The following NTM variants were observed in gnomAD, a reference collection of about 807,000 sequenced individuals.
NTM encodes the protein neurotrimin, also known as IgLON family member 2.
In NTM, 13 loss-of-function variants were observed where a neutral mutation model predicts 42.1. The observed-to-expected ratio is 0.31, with a 90% CI of 0.20 to 0.49. The LOEUF is 0.49. Ranked by LOEUF, NTM falls within the 20% of genes least tolerant of loss-of-function variation. The pLI is 0.99. For synonymous variants in NTM, 187 were observed against 179.2 expected, an observed-to-expected ratio of 1.04 and a Z score of -0.35; for missense variants, 373 against 452.8, an observed-to-expected ratio of 0.82 and a Z score of 1.60.
At chr11:131,478,636 T>C (rs541752858) in intron 1 of NTM, among the ~76,000 whole-genome samples, 1 of 152,324 alleles carries the variant, frequency 6.6e-6, no homozygotes, top group Admixed American at 6.5e-5. Context: ...TCCAAGCACA[T>C]TCATAATCAG....
At chr11:131,751,024 C>T (rs1485140003) in intron 1 of NTM, among the ~76,000 whole-genome samples, 1 of 152,148 alleles carries the variant, frequency 6.6e-6, no homozygotes, top group Admixed American at 6.5e-5. Context: ...AAGAAGCCTC[C>T]ACTCACCCCA....
At chr11:131,865,375 C>T (rs2047028357) in intron 1 of NTM, among the ~76,000 whole-genome samples, 1 of 152,092 alleles carries the variant, frequency 6.6e-6, no homozygotes, top group Non-Finnish European at 1.5e-5. Flanking sequence ...TGGGAGTGTC[C>T]AGAAGACCCC....
chr11:131,378,588 G>A (rs1370269247), intron 1 of NTM, among the ~76,000 whole-genome samples: 1 of 152,162 alleles, frequency 6.6e-6, no homozygotes, highest in Non-Finnish European at 1.5e-5. Context: ...TAGAATGGAA[G>A]GAAAGGATTA....
intron 2 of NTM, among the ~76,000 whole-genome samples, chr11:132,070,233 C>T (rs867022778): frequency 4.2e-5 from 6 of 144,004 alleles, no homozygotes; most frequent in East Asian, 2.1e-4. Context: ...TTAGTTAACA[C>T]GTCACACAGC....
At chr11:131,655,993 G>A (rs1462044473) in intron 1 of NTM, among the ~76,000 whole-genome samples, 1 of 152,178 alleles carries the variant, frequency 6.6e-6, no homozygotes, top group Non-Finnish European at 1.5e-5. Flanking sequence ...GGAATGGGAG[G>A]GCAGATGAGG....
intron 1 of NTM, among the ~76,000 whole-genome samples, chr11:131,905,354 A>AT (rs1209587174): frequency 3.9e-5 from 6 of 152,182 alleles, no homozygotes. Context: ...TGTCGATGGC[A>AT]TTAGAGGTTT....
Position 131,796,158 on chromosome 11 carries a change from C to T in NTM, c.83-115406C>T, listed in dbSNP as rs112189641. ...GGACTGGAAGGGCAAAATGAAATAT[C>T]GAAGCCCTCCTGCAGCTGGGGAAAC... is the stretch of plus-strand genomic sequence containing the variant. On this transcript the variant is annotated intron_variant, in intron 1 of 8. Coordinates refer to ENST00000683400, the MANE Select transcript of NTM (RefSeq NM_001352005.2). The T allele has an allele frequency of 4.6e-4, 458 of 985,290 alleles. 4 individuals are homozygous for T. In the African/African-American group the frequency reaches 6.6e-3, roughly 14 times the overall value. The allele number at this position is 985,290 out of a possible 1,614,324, so 61.0% of individuals were successfully genotyped here. A position where few individuals can be genotyped will look rare whatever the true frequency, so the allele number is the denominator to read the frequency against.
chr11:131,843,960 C>G (rs1356326267), intron 1 of NTM, among the ~76,000 whole-genome samples: 1 of 151,878 alleles, frequency 6.6e-6, no homozygotes, highest in Non-Finnish European at 1.5e-5. Context: ...TTTTTTCTCC[C>G]AGCCTGTGTC....
At chr11:131,785,504 C>A (rs1209392402) in intron 1 of NTM, among the ~76,000 whole-genome samples, 4 of 152,142 alleles carry the variant, frequency 2.6e-5, no homozygotes, top group African/African-American at 4.8e-5. Flanking sequence ...CTTAATTATC[C>A]TTTTCCACTG....
chr11:131,784,982 T>C (rs952751968), intron 1 of NTM, among the ~76,000 whole-genome samples: 1 of 152,196 alleles, frequency 6.6e-6, no homozygotes, highest in Non-Finnish European at 1.5e-5. Context: ...CCTGATATAA[T>C]AGTAATGTAT....
chr11:131,633,892 A>G (rs2134153838), intron 1 of NTM, among the ~76,000 whole-genome samples: 1 of 152,038 alleles, frequency 6.6e-6, no homozygotes, highest in Non-Finnish European at 1.5e-5. Context: ...ACAGAGAGTG[A>G]TTTCTGAATC....
chr11:131,420,909 C>T (rs571820065), intron 1 of NTM, among the ~76,000 whole-genome samples: 13 of 152,266 alleles, frequency 8.5e-5, no homozygotes, highest in Admixed American at 5.2e-4. Context: ...TGTAATGCCT[C>T]CTCTGCTTCA....
chr11:131,432,839 CTTTTTTTTTTTTTTTTTTTTT>C (rs377739708), intron 1 of NTM, among the ~76,000 whole-genome samples: 1 of 68,694 alleles, frequency 1.5e-5, no homozygotes. Flanking sequence ...ATTTAGCATT[CTTTTTTTTTTTTTTTTTTTTT>C]TTTTTTTTTT....
At chr11:131,765,264 GT>G (rs1424963488) in intron 1 of NTM, among the ~76,000 whole-genome samples, 7 of 152,062 alleles carry the variant, frequency 4.6e-5, no homozygotes, top group African/African-American at 1.7e-4. Context: ...ATGGCTTTCC[GT>G]TGCTCTGAAA....
chr11:131,402,022 C>T (rs1419351491), intron 1 of NTM, among the ~76,000 whole-genome samples: 4 of 150,432 alleles, frequency 2.7e-5, no homozygotes, highest in Non-Finnish European at 5.9e-5. Flanking sequence ...AATAGCATGC[C>T]CTGTGAGCAG....
intron 1 of NTM, among the ~76,000 whole-genome samples, chr11:131,760,396 G>A (rs1189287061): frequency 1.3e-5 from 2 of 152,166 alleles, no homozygotes; most frequent in African/African-American, 2.4e-5. Context: ...AAATCCCTGA[G>A]ATTTATTCCA....
chr11:131,752,247 T>G (rs935452278), intron 1 of NTM, among the ~76,000 whole-genome samples: 6 of 152,216 alleles, frequency 3.9e-5, no homozygotes, highest in African/African-American at 1.4e-4. Context: ...CAGACACTTC[T>G]CTAAAGAAGA....
At chr11:131,389,045 A>G (rs1943689398) in intron 1 of NTM, among the ~76,000 whole-genome samples, 1 of 150,650 alleles carries the variant, frequency 6.6e-6, no homozygotes, top group African/African-American at 2.4e-5. Context: ...AAAAGAAAAG[A>G]AAAGGAAAAA....
At chr11:131,600,538 A>T (rs2137413623) in intron 1 of NTM, among the ~76,000 whole-genome samples, 1 of 152,344 alleles carries the variant, frequency 6.6e-6, no homozygotes, top group South Asian at 2.1e-4. Flanking sequence ...GCCTTTTAAA[A>T]AACAAAAAGG....
Sources: allele counts gnomAD v4.1 joint callset (sites outside exome capture counted in the v4.1 genomes callset), GRCh38; gene constraint gnomAD v4.1.1; transcripts MANE v1.5; gene names NCBI Gene and HGNC (gene_info 2026-07-23, HGNC 2026-07-21).